The following SLAIN1 variants were observed in gnomAD, a reference collection of about 807,000 sequenced individuals.
SLAIN1 encodes the protein SLAIN motif-containing protein 1.
In SLAIN1, 17 loss-of-function variants were observed where a neutral mutation model predicts 55.4. That is an observed-to-expected ratio of 0.31 (90% CI 0.21 to 0.46). SLAIN1 has a LOEUF of 0.46. Among genes scored for constraint, SLAIN1 ranks in the 20% least tolerant of loss-of-function variants. The pLI is 1.00. For missense variants in SLAIN1, 682 were observed against 785.1 expected (o/e 0.87, Z 1.57); for synonymous variants, 348 against 337.4 (o/e 1.03, Z -0.35).
Position 77,726,084 on chromosome 13 carries a change from G to A in SLAIN1, c.766+6413G>A, listed in dbSNP as rs564037670. On this transcript the variant is annotated intron_variant, in intron 2 of 6. Coordinates refer to ENST00000418532, the MANE Select transcript of SLAIN1 (RefSeq NM_001242868.2). ...TAGATAACAAAACTTGCTAAGTTAT[G>A]AGAGAATGTATGGGACACAGTTAAG... Among the ~76,000 whole-genome samples, 9 of 152,312 alleles carry A rather than the reference G, an allele frequency of 5.9e-5. No individual in the cohort carries two copies. The South Asian group carries it at 1.9e-3, about 32-fold the overall frequency.
intron 1 of SLAIN1, among the ~76,000 whole-genome samples, chr13:77,714,069 G>T (rs1317208374): frequency 6.6e-6 from 1 of 152,086 alleles, no homozygotes; most frequent in Admixed American, 6.6e-5. Flanking sequence ...AATGCCTAAC[G>T]TAGATGACAG....
intron 4 of SLAIN1, among the ~76,000 whole-genome samples, chr13:77,750,396 T>C (rs541219691): frequency 2.0e-5 from 3 of 152,274 alleles, no homozygotes; most frequent in South Asian, 4.1e-4. Flanking sequence ...CTTAAAAATA[T>C]ATGTATTGGA....
At chr13:77,738,523 G>C (rs370047932) in intron 2 of SLAIN1, among the ~76,000 whole-genome samples, 1 of 151,998 alleles carries the variant, frequency 6.6e-6, no homozygotes, top group Non-Finnish European at 1.5e-5. Context: ...TAGCTATTAA[G>C]CCCAGCATGC....
At chr13:77,720,419 T>A (rs936309710) in intron 2 of SLAIN1, among the ~76,000 whole-genome samples, 3 of 152,096 alleles carry the variant, frequency 2.0e-5, no homozygotes, top group African/African-American at 7.2e-5. Flanking sequence ...AGAATGATAC[T>A]GTTTGAGGGT....
At chr13:77,711,918 A>C (rs1232268862) in intron 1 of SLAIN1, among the ~76,000 whole-genome samples, 1 of 152,234 alleles carries the variant, frequency 6.6e-6, no homozygotes, top group Non-Finnish European at 1.5e-5. Context: ...GGGCTGGTTC[A>C]ACATATGCAA....
chr13:77,733,000 G>A (rs1490349011), intron 2 of SLAIN1, among the ~76,000 whole-genome samples: 1 of 152,016 alleles, frequency 6.6e-6, no homozygotes, highest in East Asian at 1.9e-4. Context: ...AAGTAGATAA[G>A]GTCTAATCCT....
intron 5 of SLAIN1, among the ~76,000 whole-genome samples, chr13:77,754,423 G>T (rs1874455329): frequency 1.3e-5 from 2 of 152,098 alleles, no homozygotes; most frequent in South Asian, 4.2e-4. Context: ...TTATTTTGTG[G>T]AAGAGGCAAC....
Position 77,698,422 on chromosome 13 carries a change from G to A in SLAIN1, c.509G>A (p.Gly170Glu). ...GGGGPEPGGA[G>E]TPPGAAAAPP... is the part of the protein sequence containing the mutation. The stretch of plus-strand genomic sequence containing the variant: ...GGCGGGCCGGAGCCGGGGGGCGCGG[G>A]GACGCCGCCAGGGGCAGCTGCAGCG... Residue 170 changes from glycine to glutamate, a missense_variant, in exon 1 of 7, where the codon GGG (glycine) becomes GAG (glutamate). Transcript: ENST00000418532. This position sits in a 1 kb window ranked among gnomAD's most constrained non-coding sequence, Gnocchi z 4.1. 1 of 1,394,932 alleles carries A rather than the reference G, an allele frequency of 7.2e-7. No individual in the cohort carries two copies. Among genetic ancestry groups the A allele is most frequent in the East Asian group, 3.1e-5 (1 of 32,320 alleles). 86.4% of individuals were successfully genotyped at this position (1,394,932 alleles called of 1,614,324 possible).
At position 77,761,058 on chromosome 13, in the gene SLAIN1, G is replaced by A. The variant is rs768538431; in HGVS notation, c.1645G>A (p.Ala549Thr). ...GRSALPRPSL[A>T]INGSNLPRSK... ...CAGTGCACTCCCAAGACCTTCGTTG[G>A]CAATAAATGGGAGTAACCTGCCTCG... Residue 549 changes from alanine (A) to threonine (T), a missense_variant, in exon 6 of 7, where the codon GCA becomes ACA. By Grantham distance (58) the Ala-to-Thr change is moderately conservative (BLOSUM62 0). Transcript: ENST00000418532. 6.2e-6 allele frequency: 10 copies of A among 1,614,046 alleles called. No individual in the cohort carries two copies. Among genetic ancestry groups the A allele is most frequent in the Middle Eastern group, 3.3e-4 (2 of 6,082 alleles).
chr13:77,745,364 G>A (rs1873744849), intron 3 of SLAIN1, among the ~76,000 whole-genome samples: 1 of 152,014 alleles, frequency 6.6e-6, no homozygotes, highest in Non-Finnish European at 1.5e-5. Context: ...ACTGGGCAAA[G>A]TGTACAGTTT....
chr13:77,709,198 G>A (rs1447595425), intron 1 of SLAIN1, among the ~76,000 whole-genome samples: 1 of 151,906 alleles, frequency 6.6e-6, no homozygotes, highest in African/African-American at 2.4e-5. Context: ...AATAAAGCAT[G>A]AAGACAAGAT....
At position 77,698,272 on chromosome 13, in the gene SLAIN1, C is replaced by T. The variant is rs1334608610; in HGVS notation, c.359C>T (p.Pro120Leu). 7 of 1,421,650 alleles carry T rather than the reference C, an allele frequency of 4.9e-6. No individual in the cohort carries two copies. In the Admixed American group the frequency reaches 7.6e-5, roughly 15 times the overall value. 88.1% of individuals were successfully genotyped at this position (1,421,650 alleles called of 1,614,324 possible). The part of the protein sequence containing the change: ...SGSGSGGGSS[P>L]AFPGTFCLPS... ...AGTGGCAGCGGCGGTGGCTCCAGCCCCGCGTTCCCGGGCACCTTCTGCCTG... is the reference window on the plus strand; with the variant it reads ...AGTGGCAGCGGCGGTGGCTCCAGCCTCGCGTTCCCGGGCACCTTCTGCCTG... The change falls in exon 1 of 7, where the codon CCC (proline) becomes CTC (leucine). Residue 120 changes from proline to leucine, a missense_variant. By Grantham distance (98) the Pro-to-Leu change is moderately conservative. Coordinates refer to ENST00000418532, the MANE Select transcript of SLAIN1 (RefSeq NM_001242868.2). The surrounding 1 kb of genome is among the most constrained non-coding windows in gnomAD (Gnocchi z 4.1).
chr13:77,756,176 A>C (rs1175839457), intron 5 of SLAIN1, among the ~76,000 whole-genome samples: 1 of 151,786 alleles, frequency 6.6e-6, no homozygotes, highest in Non-Finnish European at 1.5e-5. Flanking sequence ...GTTTTTTTTT[A>C]AATCAAGGGT....
chr13:77,729,374 G>A (rs2091336235), intron 2 of SLAIN1, among the ~76,000 whole-genome samples: 1 of 151,460 alleles, frequency 6.6e-6, no homozygotes, highest in African/African-American at 2.4e-5. Flanking sequence ...ATTTATTATT[G>A]ACATGCTATT....
intron 2 of SLAIN1, among the ~76,000 whole-genome samples, chr13:77,728,990 TCTC>T (rs1462110187): frequency 1.3e-5 from 2 of 152,300 alleles, no homozygotes; most frequent in Admixed American, 1.3e-4. Flanking sequence ...AGAGACAGGG[TCTC>T]CTGATACATG....
chr13:77,752,750 G>A (rs1421504078), intron 4 of SLAIN1, among the ~76,000 whole-genome samples: 1 of 152,202 alleles, frequency 6.6e-6, no homozygotes, highest in African/African-American at 2.4e-5. Flanking sequence ...AGAACTTGGA[G>A]TCTGATGCTC....
intron 1 of SLAIN1, among the ~76,000 whole-genome samples, chr13:77,701,858 CT>C (rs2091034267): frequency 6.7e-6 from 1 of 149,896 alleles, no homozygotes; most frequent in Non-Finnish European, 1.5e-5. Flanking sequence ...TGCTGGTGCG[CT>C]GCACCCACTA....
rs2090988929 is a variant in SLAIN1, at chr13:77,697,855, C to T, written c.-59C>T. 1 of 1,262,646 alleles carries T rather than the reference C, an allele frequency of 7.9e-7. No individual in the cohort carries two copies. The highest frequency in any genetic ancestry group is 1.0e-6 in the Non-Finnish European group (1 of 1,004,270). 78.2% of individuals were successfully genotyped at this position (1,262,646 alleles called of 1,614,324 possible). On this transcript the variant is annotated 5_prime_UTR_variant, in exon 1 of 7. Coordinates refer to ENST00000418532, the MANE Select transcript of SLAIN1 (RefSeq NM_001242868.2). Reference sequence around the variant, plus strand: ...AAGGAGCCGTAGCCTCCCCGTGGCCCGAGGAGCCGGCGCGGCGGCGCGCAC... The same window carrying T: ...AAGGAGCCGTAGCCTCCCCGTGGCCTGAGGAGCCGGCGCGGCGGCGCGCAC...
rs1319826300 is a variant in SLAIN1 at position 77,763,451 on chromosome 13, G to T, written c.*231G>T. On this transcript the variant is annotated 3_prime_UTR_variant, in exon 7 of 7. Coordinates refer to ENST00000418532, the MANE Select transcript of SLAIN1 (RefSeq NM_001242868.2). Reference sequence around the variant, plus strand: ...CATGGTTGCAGTATTGTGACACTTAGATCTAGGAAGTTTTTGTAGAACTGC... The same window carrying T: ...CATGGTTGCAGTATTGTGACACTTATATCTAGGAAGTTTTTGTAGAACTGC... 4 of 514,336 alleles carry T rather than the reference G, an allele frequency of 7.8e-6. No homozygotes were observed. The highest frequency in any genetic ancestry group is 1.9e-5 in the African/African-American group (1 of 52,242). 31.9% of individuals were successfully genotyped at this position (514,336 alleles called of 1,614,324 possible). A position where few individuals can be genotyped will look rare whatever the true frequency, so the allele number is the denominator to read the frequency against.
Sources: allele counts gnomAD v4.1 joint callset (sites outside exome capture counted in the v4.1 genomes callset), GRCh38; gene constraint gnomAD v4.1.1; non-coding constraint Gnocchi (gnomAD v3.1); transcripts MANE v1.5; gene names NCBI Gene and HGNC (gene_info 2026-07-23, HGNC 2026-07-21).